Variants in PDE8B observed in about 807,000 individuals in gnomAD.
The protein encoded by PDE8B is high affinity cAMP-specific and IBMX-insensitive 3',5'-cyclic phosphodiesterase 8B.
PDE8B carries 26 observed loss-of-function variants against 101.3 expected under a neutral mutation model. That is an observed-to-expected ratio of 0.26 (90% confidence interval 0.19 to 0.36). The LOEUF is 0.36. Among genes scored for constraint, PDE8B ranks in the 10% least tolerant of loss-of-function variants. PDE8B has a pLI of 1.00. For missense variants in PDE8B, 810 were observed against 1,163.1 expected (o/e 0.70, Z 4.42); for synonymous variants, 424 against 429.3 (o/e 0.99, Z 0.15).
intron 1 of PDE8B, among the ~76,000 whole-genome samples, chr5:77,263,645 A>G (rs1313596533): frequency 1.3e-5 from 2 of 152,200 alleles, no homozygotes; most frequent in African/African-American, 4.8e-5. Flanking sequence ...TTATCAGGTT[A>G]TTGCTAAAGG....
chr5:77,394,584 A>G (rs1309559134), intron 10 of PDE8B, among the ~76,000 whole-genome samples: 2 of 152,190 alleles, frequency 1.3e-5, no homozygotes, highest in East Asian at 3.8e-4. Flanking sequence ...TAGCATATCC[A>G]ATTAATATTG....
chr5:77,286,159 T>G (rs1172190369), intron 1 of PDE8B, among the ~76,000 whole-genome samples: 3 of 152,146 alleles, frequency 2.0e-5, no homozygotes, highest in Non-Finnish European at 2.9e-5. Context: ...ATTGTTTCAT[T>G]TTAGCAGGCG....
chr5:77,412,624 C>A lies in PDE8B; in HGVS notation c.1712+389C>A, dbSNP rs574431044. On this transcript the variant is annotated intron_variant, in intron 16 of 21. Coordinates refer to ENST00000264917, the MANE Select transcript of PDE8B (RefSeq NM_003719.5). Reference sequence around the variant, plus strand: ...GATAACTGAAAGGTCTTTTTCTATACTAGGAGAAGGCTGTTTCTTCCCAGA... The same window carrying A: ...GATAACTGAAAGGTCTTTTTCTATAATAGGAGAAGGCTGTTTCTTCCCAGA... Among the ~76,000 whole-genome samples the A allele has an allele frequency of 3.3e-5, 5 of 151,630 alleles. No homozygotes were observed. The South Asian group carries it at 6.3e-4, about 19-fold the overall frequency.
chr5:77,291,130 C>T, intron 1 of PDE8B: 1 of 1,610,950 alleles, frequency 6.2e-7, no homozygotes, highest in Non-Finnish European at 8.5e-7. Context: ...TTAGTTGTTC[C>T]ATCAGCTCTC....
intron 11 of PDE8B, among the ~76,000 whole-genome samples, chr5:77,401,840 T>C (rs1792350697): frequency 6.6e-6 from 1 of 152,192 alleles, no homozygotes; most frequent in Non-Finnish European, 1.5e-5. Flanking sequence ...GAAGAATAAT[T>C]TCTCTAAACT....
intron 1 of PDE8B, among the ~76,000 whole-genome samples, chr5:77,219,417 A>G (rs1750587139): frequency 1.3e-5 from 2 of 152,190 alleles, no homozygotes; most frequent in African/African-American, 4.8e-5. Context: ...TTATAGGAAG[A>G]TGCATGAGAG....
At chr5:77,287,762 G>A (rs2149903714) in intron 1 of PDE8B, among the ~76,000 whole-genome samples, 1 of 152,024 alleles carries the variant, frequency 6.6e-6, no homozygotes, top group East Asian at 1.9e-4. Context: ...CATCCATCTG[G>A]TAACTGATTT....
chr5:77,361,458 A>T (rs1008386840), intron 10 of PDE8B, among the ~76,000 whole-genome samples: 1 of 152,058 alleles, frequency 6.6e-6, no homozygotes, highest in African/African-American at 2.4e-5. Flanking sequence ...AGTTCCTCAC[A>T]TCACTGACAA....
At chr5:77,402,542 G>T (rs776104666) in intron 11 of PDE8B, among the ~76,000 whole-genome samples, 32 of 152,280 alleles carry the variant, frequency 2.1e-4, no homozygotes, top group Non-Finnish European at 4.1e-4. Context: ...GTCTAGAAAA[G>T]TGTCTAAGAC....
At chr5:77,417,830 A>T (rs1795877417) in intron 17 of PDE8B, among the ~76,000 whole-genome samples, 1 of 152,154 alleles carries the variant, frequency 6.6e-6, no homozygotes, top group Non-Finnish European at 1.5e-5. Context: ...GTTTTGTTGT[A>T]TCTGAGCCAT....
chr5:77,250,423 A>G (rs1407301421), intron 1 of PDE8B, among the ~76,000 whole-genome samples: 1 of 152,184 alleles, frequency 6.6e-6, no homozygotes, highest in Non-Finnish European at 1.5e-5. Context: ...ACCCTGGGGT[A>G]TATGAGGACA....
intron 1 of PDE8B, among the ~76,000 whole-genome samples, chr5:77,245,460 A>G (rs1030510782): frequency 2.0e-5 from 3 of 152,224 alleles, no homozygotes; most frequent in African/African-American, 7.2e-5. Flanking sequence ...ATTAACAATG[A>G]CTATTTTCTG....
At chr5:77,189,541 G>T in the PDE8B span, among the ~76,000 whole-genome samples, 1 of 152,206 alleles carries the variant, frequency 6.6e-6, no homozygotes, top group Non-Finnish European at 1.5e-5. Flanking sequence ...GAAGGAAGTG[G>T]GGAGTGATAT....
the PDE8B span, among the ~76,000 whole-genome samples, chr5:77,177,250 A>C: frequency 0.47 from 71,398 of 152,018 alleles, 17,094 homozygotes; most frequent in African/African-American, 0.53. Context: ...AACCTAACAA[A>C]TACAGTATCC....
intron 6 of PDE8B, among the ~76,000 whole-genome samples, chr5:77,344,409 T>G (rs985600280): frequency 6.6e-6 from 1 of 152,232 alleles, no homozygotes; most frequent in Non-Finnish European, 1.5e-5. Flanking sequence ...GTTGCATTAC[T>G]GTATCTTAAA....
chr5:77,260,983 C>T (rs982855289), intron 1 of PDE8B, among the ~76,000 whole-genome samples: 2 of 152,058 alleles, frequency 1.3e-5, no homozygotes, highest in African/African-American at 2.4e-5. Context: ...GTTCTAATAC[C>T]GGCTGAAGAT....
the PDE8B span, among the ~76,000 whole-genome samples, chr5:77,205,227 AT>A: frequency 2.0e-5 from 3 of 152,128 alleles, no homozygotes; most frequent in African/African-American, 7.2e-5. Flanking sequence ...CTCTGTTTGC[AT>A]TTTCTACAAC....
chr5:77,201,281 C>T, the PDE8B span, among the ~76,000 whole-genome samples: 2 of 152,170 alleles, frequency 1.3e-5, no homozygotes, highest in Non-Finnish European at 2.9e-5. Flanking sequence ...TGGAAAAGGG[C>T]GATGGTGCGT....
intron 1 of PDE8B, among the ~76,000 whole-genome samples, chr5:77,221,747 G>A (rs928074645): frequency 2.6e-5 from 4 of 152,142 alleles, no homozygotes; most frequent in South Asian, 2.1e-4. Flanking sequence ...ATTATGAATC[G>A]TTATGGGTTT....
Sources: gnomAD v4.1 joint callset for allele counts (sites outside exome capture counted in the v4.1 genomes callset) on GRCh38, gnomAD v4.1.1 for gene constraint, MANE v1.5 for transcripts, NCBI Gene and HGNC (gene_info 2026-07-23, HGNC 2026-07-21) for gene names.